USH2A: variants seen among roughly 807,000 people sequenced by gnomAD.
The protein encoded by USH2A is Usher syndrome 2A (autosomal recessive, mild).
In USH2A, 443 loss-of-function variants were observed where a neutral mutation model predicts 538.9. The observed-to-expected ratio is 0.82, with a 90% CI of 0.76 to 0.89. The LOEUF (loss-of-function observed/expected upper bound fraction) is 0.89, where lower values mean the gene tolerates loss of function less well. Among genes scored for constraint, USH2A ranks in the 40% least tolerant of loss-of-function variants. The pLI is 0.00. For synonymous variants in USH2A, 2,413 were observed against 2,273.5 expected (o/e 1.06, Z -1.75); for missense variants, 6,633 against 6,324.8 (o/e 1.05, Z -1.65).
intron 21 of USH2A, among the ~76,000 whole-genome samples, chr1:216,170,221 G>T (rs892728737): frequency 2.6e-5 from 4 of 151,938 alleles, no homozygotes; most frequent in African/African-American, 9.7e-5. Context: ...TAAAGAATAT[G>T]CTCTTAAACA....
chr1:215,649,620 T>C (rs529188042), intron 65 of USH2A, among the ~76,000 whole-genome samples: 75 of 152,324 alleles, frequency 4.9e-4, no homozygotes, highest in African/African-American at 1.8e-3. Context: ...CTAATATTCC[T>C]TTAACATTCA....
intron 4 of USH2A, among the ~76,000 whole-genome samples, chr1:216,331,973 A>G (rs1235783348): frequency 1.3e-5 from 2 of 152,152 alleles, no homozygotes; most frequent in Admixed American, 6.5e-5. Flanking sequence ...AACAATGTGG[A>G]CAGTGTTTAT....
At chr1:215,855,632 A>G (rs1664143496) in intron 44 of USH2A, among the ~76,000 whole-genome samples, 1 of 152,186 alleles carries the variant, frequency 6.6e-6, no homozygotes, top group Non-Finnish European at 1.5e-5. Flanking sequence ...AATTCCCATC[A>G]ATGCAATTCC....
chr1:216,359,070 C>A (rs746159314), intron 4 of USH2A, among the ~76,000 whole-genome samples: 1 of 152,112 alleles, frequency 6.6e-6, no homozygotes, highest in Non-Finnish European at 1.5e-5. Flanking sequence ...AAATTCTTCA[C>A]GCAGAGTATT....
chr1:216,036,085 G>C (rs1484146568), intron 32 of USH2A, among the ~76,000 whole-genome samples: 1 of 152,098 alleles, frequency 6.6e-6, no homozygotes, highest in Admixed American at 6.6e-5. Context: ...GATGGTGGTA[G>C]ATAGTGCTAG....
At chr1:216,298,008 C>T (rs1571675459) in intron 9 of USH2A, among the ~76,000 whole-genome samples, 1 of 152,304 alleles carries the variant, frequency 6.6e-6, no homozygotes, top group South Asian at 2.1e-4. Flanking sequence ...TACCTGATTC[C>T]CAATATTTTA....
intron 50 of USH2A, among the ~76,000 whole-genome samples, chr1:215,794,630 T>C (rs1662075048): frequency 6.6e-6 from 1 of 152,188 alleles, no homozygotes; most frequent in African/African-American, 2.4e-5. Context: ...TAAAAAGATA[T>C]ATTTTTTCCT....
At chr1:216,164,270 A>G (rs2034124247) in intron 21 of USH2A, among the ~76,000 whole-genome samples, 1 of 152,194 alleles carries the variant, frequency 6.6e-6, no homozygotes, top group Admixed American at 6.6e-5. Context: ...TAGGGAAAAT[A>G]GAAGGAGAAA....
At chr1:215,680,798 T>A (rs1211561068) in intron 61 of USH2A, among the ~76,000 whole-genome samples, 2 of 152,154 alleles carry the variant, frequency 1.3e-5, no homozygotes, top group Admixed American at 6.6e-5. Flanking sequence ...TTTGGAGAGT[T>A]AACCTGAACA....
chr1:215,939,600 C>T (rs929817206), intron 37 of USH2A, among the ~76,000 whole-genome samples: 4 of 151,992 alleles, frequency 2.6e-5, no homozygotes, highest in African/African-American at 9.7e-5. Context: ...GAAAAAACAG[C>T]ATAAATGGAT....
chr1:216,066,043 T>A (rs78741554), intron 30 of USH2A, among the ~76,000 whole-genome samples: 1 of 152,288 alleles, frequency 6.6e-6, no homozygotes, highest in Non-Finnish European at 1.5e-5. Flanking sequence ...AATATTCTGA[T>A]ATATTTTGCC....
chr1:215,723,148 C>T (rs1478992672), intron 61 of USH2A, among the ~76,000 whole-genome samples: 3 of 152,110 alleles, frequency 2.0e-5, no homozygotes, highest in Admixed American at 6.6e-5. Context: ...AAAGAGACCC[C>T]AAGAATCTTG....
Position 215,625,552 on chromosome 1 carries a change from C to A in USH2A, c.*229G>T. 7.1e-6 allele frequency: 4 copies of A among 567,256 alleles called. No individual in the cohort carries two copies. The highest frequency in any genetic ancestry group is 2.1e-5 in the South Asian group (1 of 48,202). The allele number at this position is 567,256 out of a possible 1,614,324, so 35.1% of individuals were successfully genotyped here. On this transcript the variant is annotated 3_prime_UTR_variant, in exon 72 of 72. Coordinates refer to ENST00000307340, the MANE Select transcript of USH2A (RefSeq NM_206933.4). ...TTCTTTGTCTTCTACAAAATAAGAG[C>A]AAATCAAGTATTTTCATATGAATAT...
intron 37 of USH2A, among the ~76,000 whole-genome samples, chr1:215,959,873 T>G (rs1029302760): frequency 2.0e-5 from 3 of 152,096 alleles, no homozygotes; most frequent in African/African-American, 7.2e-5. Context: ...CAAAGCAATC[T>G]GTCAGGATAT....
chr1:216,370,164 G>A (rs190754118), intron 3 of USH2A, among the ~76,000 whole-genome samples: 1 of 151,982 alleles, frequency 6.6e-6, no homozygotes, highest in Non-Finnish European at 1.5e-5. Context: ...TTCTAGACCA[G>A]CCTGGCCAAC....
intron 38 of USH2A, among the ~76,000 whole-genome samples, chr1:215,907,799 T>C (rs1037183615): frequency 2.0e-5 from 3 of 152,008 alleles, no homozygotes; most frequent in Admixed American, 2.0e-4. Flanking sequence ...CAGTGCTTTG[T>C]CTAGGAAAGA....
At chr1:215,876,637 T>G (rs1664782365) in intron 43 of USH2A, among the ~76,000 whole-genome samples, 1 of 152,150 alleles carries the variant, frequency 6.6e-6, no homozygotes, top group Admixed American at 6.6e-5. Context: ...GCCAGTACAC[T>G]ACAATGACAA....
intron 32 of USH2A, among the ~76,000 whole-genome samples, chr1:216,017,244 T>C (rs1450011681): frequency 1.3e-5 from 2 of 151,858 alleles, no homozygotes; most frequent in Non-Finnish European, 2.9e-5. Context: ...TACACACACA[T>C]ACAAAAACAC....
At chr1:215,941,490 C>T (rs918245908) in intron 37 of USH2A, among the ~76,000 whole-genome samples, 4 of 152,074 alleles carry the variant, frequency 2.6e-5, no homozygotes, top group African/African-American at 9.7e-5. Flanking sequence ...TCCAGCTGAA[C>T]AAACTGATGC....
Sources: gnomAD v4.1 joint callset for allele counts (sites outside exome capture counted in the v4.1 genomes callset) on GRCh38, gnomAD v4.1.1 for gene constraint, MANE v1.5 for transcripts, NCBI Gene and HGNC (gene_info 2026-07-23, HGNC 2026-07-21) for gene names.